Variants in CR1L observed in about 807,000 individuals in gnomAD.
CR1L encodes complement C3b/C4b receptor 1 like, also known as complement component receptor 1-like protein.
CR1L carries 59 observed loss-of-function variants against 62.3 expected under a neutral mutation model. The observed-to-expected ratio is 0.95, with a 90% CI of 0.77 to 1.18. CR1L has a LOEUF of 1.18. Ranked by LOEUF, CR1L falls within the 50% of genes most tolerant of loss-of-function variation. CR1L has a pLI of 0.00. For synonymous variants in CR1L, 279 were observed against 248.7 expected (o/e 1.12, Z -1.15); for missense variants, 700 against 702.8 (o/e 1.00, Z 0.04).
At chr1:207,715,460 T>C (rs543545696) in intron 10 of CR1L, 31 of 1,037,486 alleles carry the variant, frequency 3.0e-5, no homozygotes, top group East Asian at 2.6e-4. Flanking sequence ...AGTGTTTTAC[T>C]GCACGGAATC....
chr1:207,664,434 A>C (rs538938335), intron 1 of CR1L, among the ~76,000 whole-genome samples: 1 of 152,344 alleles, frequency 6.6e-6, no homozygotes, highest in South Asian at 2.1e-4. Flanking sequence ...TATAATTCCT[A>C]TAAAAGCCTG....
At chr1:207,668,172 T>C (rs1663551337) in intron 1 of CR1L, among the ~76,000 whole-genome samples, 1 of 150,992 alleles carries the variant, frequency 6.6e-6, no homozygotes, top group South Asian at 2.1e-4. Context: ...ACTGGGTATA[T>C]ACCCAAAAGA....
At chr1:207,703,858 G>A (rs1166147759) in intron 9 of CR1L, among the ~76,000 whole-genome samples, 1 of 152,140 alleles carries the variant, frequency 6.6e-6, no homozygotes, top group Non-Finnish European at 1.5e-5. Context: ...GGAGGCTGAG[G>A]CAGGAGAATC....
chr1:207,645,771 G>A (rs1663113089), intron 1 of CR1L, among the ~76,000 whole-genome samples: 1 of 152,142 alleles, frequency 6.6e-6, no homozygotes, highest in Non-Finnish European at 1.5e-5. Flanking sequence ...GTGTTCATTA[G>A]GGCTTGGACA....
intron 11 of CR1L, among the ~76,000 whole-genome samples, chr1:207,720,398 A>G (rs1022768164): frequency 6.6e-6 from 1 of 152,220 alleles, no homozygotes; most frequent in African/African-American, 2.4e-5. Flanking sequence ...TACCAGTCCT[A>G]GGCCTTCCTA....
intron 9 of CR1L, among the ~76,000 whole-genome samples, chr1:207,707,736 C>T (rs1362183750): frequency 2.0e-5 from 3 of 148,518 alleles, no homozygotes; most frequent in Non-Finnish European, 3.0e-5. Flanking sequence ...TCAAAAGCAA[C>T]AAATCTTGTA....
At chr1:207,678,542 T>G (rs1486807641) in intron 3 of CR1L, among the ~76,000 whole-genome samples, 1 of 151,812 alleles carries the variant, frequency 6.6e-6, no homozygotes, top group African/African-American at 2.4e-5. Flanking sequence ...ATTCATTGGG[T>G]GGGAAGGAAG....
At chr1:207,663,032 G>A (rs1287737927) in intron 1 of CR1L, among the ~76,000 whole-genome samples, 5 of 152,204 alleles carry the variant, frequency 3.3e-5, no homozygotes, top group African/African-American at 1.2e-4. Context: ...AGTACCCGCT[G>A]TGTGAGGTGT....
At chr1:207,711,183 C>T (rs1197479289) in intron 10 of CR1L, among the ~76,000 whole-genome samples, 1 of 152,156 alleles carries the variant, frequency 6.6e-6, no homozygotes, top group Non-Finnish European at 1.5e-5. Flanking sequence ...TTTTTGATGG[C>T]TCATCTTGTC....
At chr1:207,674,540 A>G (rs910845172) in intron 1 of CR1L, among the ~76,000 whole-genome samples, 1 of 152,200 alleles carries the variant, frequency 6.6e-6, no homozygotes, top group Non-Finnish European at 1.5e-5. Flanking sequence ...ACGCAAATTT[A>G]TATTATTACC....
chr1:207,714,151 G>C (rs1315113679), intron 10 of CR1L, among the ~76,000 whole-genome samples: 1 of 152,218 alleles, frequency 6.6e-6, no homozygotes, highest in Non-Finnish European at 1.5e-5. Flanking sequence ...TCTCAGCAGA[G>C]AAGAGACACA....
chr1:207,709,401 G>A (rs1664318262), intron 10 of CR1L, among the ~76,000 whole-genome samples: 1 of 150,672 alleles, frequency 6.6e-6, no homozygotes, highest in Non-Finnish European at 1.5e-5. Context: ...GCAAGACCTT[G>A]TCTCAAAAAA....
intron 1 of CR1L, among the ~76,000 whole-genome samples, chr1:207,649,500 T>C (rs1411612346): frequency 6.6e-6 from 1 of 152,196 alleles, no homozygotes; most frequent in African/African-American, 2.4e-5. Flanking sequence ...CTAGGGTTGT[T>C]TTAATTTCCC....
At chr1:207,657,133 C>T (rs1252089297) in intron 1 of CR1L, 2 of 773,908 alleles carry the variant, frequency 2.6e-6, no homozygotes, top group Admixed American at 3.7e-5. Context: ...AGATTTTGTG[C>T]ACATGACCTC....
chr1:207,662,524 T>A (rs1046376909), intron 1 of CR1L, among the ~76,000 whole-genome samples: 2 of 152,222 alleles, frequency 1.3e-5, no homozygotes, highest in Admixed American at 6.5e-5. Flanking sequence ...TTCTCTGCAT[T>A]GGTTATTCTA....
intron 1 of CR1L, among the ~76,000 whole-genome samples, chr1:207,650,911 G>A (rs1037163314): frequency 6.6e-6 from 1 of 151,742 alleles, no homozygotes; most frequent in Non-Finnish European, 1.5e-5. Context: ...TCAGCCTCCC[G>A]AGTAGCTGGG....
intron 5 of CR1L, among the ~76,000 whole-genome samples, chr1:207,695,120 A>C (rs900771339): frequency 2.0e-5 from 3 of 151,988 alleles, no homozygotes; most frequent in African/African-American, 7.3e-5. Context: ...CAGTTTTTCT[A>C]GGTTTGTCTG....
rs577137902 is a variant in CR1L, at chr1:207,699,762, C to T, written c.1228+488C>T. Among the ~76,000 whole-genome samples the T allele has an allele frequency of 3.3e-5, 5 of 152,210 alleles. No individual in the cohort carries two copies. In the South Asian group the frequency reaches 1.0e-3, roughly 32 times the overall value. Reference sequence around the variant, plus strand: ...TAATCAATTATTTATTGATCACATACTTTGTGCCTCTGTTCATCTAGATAC... The same window carrying T: ...TAATCAATTATTTATTGATCACATATTTTGTGCCTCTGTTCATCTAGATAC... On this transcript the variant is annotated intron_variant, in intron 8 of 11. Transcript: ENST00000508064.
chr1:207,686,082 CCCTT>C (rs1558018737), intron 4 of CR1L, among the ~76,000 whole-genome samples: 7 of 63,020 alleles, frequency 1.1e-4, no homozygotes, highest in Non-Finnish European at 2.0e-4. Flanking sequence ...CTTTCTCCCT[CCCTT>C]CCTCCCTCCT....
Sources: allele counts gnomAD v4.1 joint callset (sites outside exome capture counted in the v4.1 genomes callset), GRCh38; gene constraint gnomAD v4.1.1; transcripts MANE v1.5; gene names NCBI Gene and HGNC (gene_info 2026-07-23, HGNC 2026-07-21).